The following MAP3K4 variants were observed in gnomAD, a reference collection of about 807,000 sequenced individuals.
MAP3K4 encodes MAP three kinase 1.
A neutral mutation model predicts 185.6 loss-of-function variants in MAP3K4; 67 were observed. The observed-to-expected ratio is 0.36, with a 90% CI of 0.30 to 0.44. MAP3K4 has a LOEUF of 0.44. Among genes scored for constraint, MAP3K4 ranks in the 20% least tolerant of loss-of-function variants. The probability of loss-of-function intolerance (pLI) is 1.00; values close to 1 mark genes in which losing one functional copy is unlikely to be tolerated. For missense variants in MAP3K4, 1,551 were observed against 1,995.1 expected, an observed-to-expected ratio of 0.78 and a Z score of 4.24; for synonymous variants, 702 against 710.4, an observed-to-expected ratio of 0.99 and a Z score of 0.19.
intron 2 of MAP3K4, among the ~76,000 whole-genome samples, chr6:161,045,113 T>G (rs912712997): frequency 2.0e-5 from 3 of 152,186 alleles, no homozygotes; most frequent in Non-Finnish European, 2.9e-5. Flanking sequence ...GCACAGTAGC[T>G]AGACACGAGT....
rs557088970 is a variant in MAP3K4, at chr6:161,073,064, A to G, written c.1951-402A>G. 2.6e-5 allele frequency among the ~76,000 whole-genome samples: 4 copies of G among 152,140 alleles called. No homozygotes were observed. Among genetic ancestry groups the G allele is most frequent in the South Asian group, 2.1e-4 (1 of 4,790 alleles). On this transcript the variant is annotated intron_variant, in intron 4 of 26. Transcript: ENST00000392142. The surrounding 1 kb of genome is among the most constrained non-coding windows in gnomAD (Gnocchi z 4.2). ...GCTTTGTGGTAAAAAGTACCTTTGA[A>G]TCTTTATTATGTTTTTGATCATTAG...
rs1784252456 is a variant in MAP3K4 at position 161,056,699 on chromosome 6, A to T, written c.1707+6720A>T. Among the ~76,000 whole-genome samples the T allele has an allele frequency of 6.6e-6, 1 of 152,206 alleles. No homozygotes were observed. The stretch of plus-strand genomic sequence containing the variant: ...TTTCAGTCAAGTTCCTTTTGTCTTT[A>T]GCCTTTTATAGTCAAAACACTATTC... On this transcript the variant is annotated intron_variant, in intron 3 of 26. Coordinates refer to ENST00000392142, the MANE Select transcript of MAP3K4 (RefSeq NM_005922.4). The surrounding 1 kb of genome is among the most constrained non-coding windows in gnomAD (Gnocchi z 5.4).
At chr6:160,998,318 T>G (rs567771468) in intron 1 of MAP3K4, among the ~76,000 whole-genome samples, 19 of 152,290 alleles carry the variant, frequency 1.2e-4, no homozygotes, top group African/African-American at 3.6e-4. Flanking sequence ...AGTATGTGCA[T>G]AGAAAAAAGA....
chr6:161,042,363 G>A (rs1296303135), intron 2 of MAP3K4, among the ~76,000 whole-genome samples: 4 of 152,158 alleles, frequency 2.6e-5, no homozygotes, highest in African/African-American at 9.7e-5. Context: ...GTGTTTGAGT[G>A]TTGGGTAAGG....
rs1778225206 is a variant in MAP3K4 at position 161,108,894 on chromosome 6, A to C, written c.4236+35A>C. On this transcript the variant is annotated intron_variant, in intron 22 of 26. Transcript: ENST00000392142. This position sits in a 1 kb window ranked among gnomAD's most constrained non-coding sequence, Gnocchi z 5.7. Reference sequence around the variant, plus strand: ...CCCTAATGCCACTCTTTGTGTGAGGAATCAGTGAGGGCACAGAATGGAGTC... The same window carrying C: ...CCCTAATGCCACTCTTTGTGTGAGGCATCAGTGAGGGCACAGAATGGAGTC... 1.9e-6 allele frequency: 3 copies of C among 1,594,342 alleles called. No individual in the cohort carries two copies. The highest frequency in any genetic ancestry group is 2.2e-5 in the South Asian group (2 of 90,660).
At chr6:161,066,354 G>A (rs575836383) in intron 3 of MAP3K4, among the ~76,000 whole-genome samples, 14 of 151,430 alleles carry the variant, frequency 9.2e-5, no homozygotes, top group African/African-American at 3.4e-4. Context: ...CGTTAGAGCC[G>A]CTAGATCTGA....
At chr6:161,029,612 C>T (rs754257470) in intron 1 of MAP3K4, among the ~76,000 whole-genome samples, 2 of 152,134 alleles carry the variant, frequency 1.3e-5, no homozygotes, top group Admixed American at 1.3e-4. Context: ...TTATTAAACA[C>T]AAGTAAGACA....
At position 161,064,145 on chromosome 6, in the gene MAP3K4, C is replaced by T. The variant is rs1036507253; in HGVS notation, c.1708-6463C>T. The stretch of plus-strand genomic sequence containing the variant: ...CCTGTACTAAATTGCCAGTATTTGA[C>T]CATTTTCAATGAACGAAAGTGGGAA... On this transcript the variant is annotated intron_variant, in intron 3 of 26. Transcript: ENST00000392142. The surrounding 1 kb of genome is among the most constrained non-coding windows in gnomAD (Gnocchi z 4.3). Among the ~76,000 whole-genome samples the T allele has an allele frequency of 2.0e-5, 3 of 152,138 alleles. No homozygotes were observed. The highest frequency in any genetic ancestry group is 4.4e-5 in the Non-Finnish European group (3 of 68,010).
At chr6:161,079,011 C>T (rs1251109659) in intron 5 of MAP3K4, among the ~76,000 whole-genome samples, 1 of 151,478 alleles carries the variant, frequency 6.6e-6, no homozygotes. Context: ...GTCAGGAGTT[C>T]GAGACCAGCC....
chr6:161,098,516 T>A lies in MAP3K4; in HGVS notation c.3674+89T>A. ...ATAGTGTTAGGGTGTGTGCCGGCTGTGGTTGGGCTTCTTTGCTGTGGCGTG... is the reference window on the plus strand; with the variant it reads ...ATAGTGTTAGGGTGTGTGCCGGCTGAGGTTGGGCTTCTTTGCTGTGGCGTG... On this transcript the variant is annotated intron_variant, in intron 17 of 26. Transcript: ENST00000392142. The surrounding 1 kb of genome is among the most constrained non-coding windows in gnomAD (Gnocchi z 4.4). 2.1e-6 allele frequency: 3 copies of A among 1,457,192 alleles called. No individual in the cohort carries two copies. The highest frequency in any genetic ancestry group is 2.7e-6 in the Non-Finnish European group (3 of 1,091,730). 90.3% of individuals were successfully genotyped at this position (1,457,192 alleles called of 1,614,324 possible).
chr6:161,060,184 T>C (rs1030120389), intron 3 of MAP3K4, among the ~76,000 whole-genome samples: 1 of 152,214 alleles, frequency 6.6e-6, no homozygotes, highest in African/African-American at 2.4e-5. Flanking sequence ...TATTAGCTTC[T>C]TTATTATTCA....
At position 161,110,241 on chromosome 6, in the gene MAP3K4, G is replaced by A. The variant is rs775146280; in HGVS notation, c.4396+327G>A. On this transcript the variant is annotated intron_variant, in intron 23 of 26. Coordinates refer to ENST00000392142, the MANE Select transcript of MAP3K4 (RefSeq NM_005922.4). The surrounding 1 kb of genome is among the most constrained non-coding windows in gnomAD (Gnocchi z 4.8). ...ATCAAAGCAACCTTTTTTTTCTCTCGTGTCAGGATTCTTGTCTATTTATAT... is the reference window on the plus strand; with the variant it reads ...ATCAAAGCAACCTTTTTTTTCTCTCATGTCAGGATTCTTGTCTATTTATAT... 5.9e-5 allele frequency among the ~76,000 whole-genome samples: 9 copies of A among 152,008 alleles called. No homozygotes were observed. The highest frequency in any genetic ancestry group is 3.9e-4 in the East Asian group (2 of 5,180).
At chr6:161,039,325 G>A (rs561715356) in intron 2 of MAP3K4, among the ~76,000 whole-genome samples, 25 of 145,460 alleles carry the variant, frequency 1.7e-4, no homozygotes, top group Non-Finnish European at 3.1e-4. Context: ...CTGAAGGAAT[G>A]TAAGGACTCA....
At chr6:161,006,489 A>G (rs536394331) in intron 1 of MAP3K4, among the ~76,000 whole-genome samples, 3 of 152,360 alleles carry the variant, frequency 2.0e-5, no homozygotes, top group East Asian at 1.9e-4. Context: ...AATAAAGTAT[A>G]TGGAAGGATG....
At chr6:161,068,246 A>G (rs1450272286) in intron 3 of MAP3K4, among the ~76,000 whole-genome samples, 1 of 152,220 alleles carries the variant, frequency 6.6e-6, no homozygotes, top group Non-Finnish European at 1.5e-5. Context: ...TTTGCAAGGC[A>G]CAAATACTGT....
intron 3 of MAP3K4, among the ~76,000 whole-genome samples, chr6:161,055,858 G>A (rs1300053983): frequency 1.3e-5 from 2 of 152,116 alleles, no homozygotes; most frequent in East Asian, 3.9e-4. Flanking sequence ...CAATTCTTTG[G>A]AAGTAAGTCA....
intron 3 of MAP3K4, among the ~76,000 whole-genome samples, chr6:161,059,362 C>T (rs1341072542): frequency 6.6e-6 from 1 of 152,138 alleles, no homozygotes; most frequent in Admixed American, 6.5e-5. Flanking sequence ...GTCTCGAACT[C>T]CTGGCCTCAA....
At chr6:161,000,718 T>TAC (rs1434326679) in intron 1 of MAP3K4, among the ~76,000 whole-genome samples, 25 of 151,930 alleles carry the variant, frequency 1.6e-4, no homozygotes, top group Non-Finnish European at 2.5e-4. Context: ...GTACACCATA[T>TAC]ATACACACAC....
At chr6:161,085,639 C>A (rs1731550646) in intron 7 of MAP3K4, among the ~76,000 whole-genome samples, 1 of 152,168 alleles carries the variant, frequency 6.6e-6, no homozygotes, top group African/African-American at 2.4e-5. Context: ...GAAAGAAGTT[C>A]CCACATGGTT....
Sources: allele counts gnomAD v4.1 joint callset (sites outside exome capture counted in the v4.1 genomes callset), GRCh38; gene constraint gnomAD v4.1.1; non-coding constraint Gnocchi (gnomAD v3.1); transcripts MANE v1.5; gene names NCBI Gene and HGNC (gene_info 2026-07-23, HGNC 2026-07-21).